AK5: variants seen among roughly 807,000 people sequenced by gnomAD.
AK5 encodes adenylate kinase isoenzyme 5.
Under a neutral mutation model 69.5 loss-of-function variants are expected in AK5, and 27 were observed. The observed-to-expected ratio is 0.39, with a 90% CI of 0.29 to 0.54. AK5 has a LOEUF of 0.54. Among genes scored for constraint, AK5 ranks in the 20% least tolerant of loss-of-function variants. The probability of loss-of-function intolerance (pLI) is 0.71; values close to 1 mark genes in which losing one functional copy is unlikely to be tolerated. For synonymous variants in AK5, 260 were observed against 244.4 expected, an observed-to-expected ratio of 1.06 and a Z score of -0.60; for missense variants, 531 against 700.4, an observed-to-expected ratio of 0.76 and a Z score of 2.73.
chr1:77,341,670 A>C (rs2100385522), intron 6 of AK5, among the ~76,000 whole-genome samples: 1 of 152,298 alleles, frequency 6.6e-6, no homozygotes, highest in Admixed American at 6.5e-5. Flanking sequence ...TTGAAGAATA[A>C]TTTCTTTGCA....
chr1:77,400,808 T>G (rs1268023341), intron 6 of AK5, among the ~76,000 whole-genome samples: 1 of 152,028 alleles, frequency 6.6e-6, no homozygotes. Context: ...ACAGAAGGCT[T>G]AGAAAATAAG....
intron 8 of AK5, among the ~76,000 whole-genome samples, chr1:77,460,355 A>G (rs1351310434): frequency 6.6e-6 from 1 of 152,250 alleles, no homozygotes; most frequent in Admixed American, 6.5e-5. Context: ...GAAGGAATGG[A>G]TATTTGTATA....
intron 13 of AK5, among the ~76,000 whole-genome samples, 191 bp downstream of exon 13, chr1:77,536,229 G>A (rs1004092931): frequency 3.9e-5 from 6 of 152,198 alleles, no homozygotes; most frequent in Non-Finnish European, 7.3e-5. Flanking sequence ...GGGAAGTCAA[G>A]GCGGGTGTAT....
intron 6 of AK5, among the ~76,000 whole-genome samples, chr1:77,372,879 A>T (rs1050788554): frequency 4.6e-5 from 7 of 152,102 alleles, no homozygotes; most frequent in African/African-American, 1.7e-4. Context: ...ACCAGTGACA[A>T]ATCCCACATA....
At chr1:77,408,101 A>G (rs1649780976) in intron 6 of AK5, among the ~76,000 whole-genome samples, 1 of 152,078 alleles carries the variant, frequency 6.6e-6, no homozygotes, top group Non-Finnish European at 1.5e-5. Context: ...ATATGAGTGC[A>G]TTTGTCTTTT....
chr1:77,335,933 CTG>C (rs1190357809), intron 5 of AK5, among the ~76,000 whole-genome samples: 3 of 152,168 alleles, frequency 2.0e-5, no homozygotes, highest in Non-Finnish European at 4.4e-5. Context: ...GGTCTTTTCT[CTG>C]TGCACTCACA....
chr1:77,405,684 A>AG (rs1219330090), intron 6 of AK5, among the ~76,000 whole-genome samples: 3 of 152,134 alleles, frequency 2.0e-5, no homozygotes, highest in African/African-American at 7.2e-5. Flanking sequence ...GTAACCAAGA[A>AG]GTGGAGGGAT....
At chr1:77,508,749 C>G (rs1008476861) in intron 10 of AK5, among the ~76,000 whole-genome samples, 1 of 151,990 alleles carries the variant, frequency 6.6e-6, no homozygotes, top group Non-Finnish European at 1.5e-5. Context: ...TGCCTGTAAT[C>G]CCAGCTACTC....
chr1:77,541,793 C>T (rs930006616), intron 13 of AK5, among the ~76,000 whole-genome samples: 1 of 152,162 alleles, frequency 6.6e-6, no homozygotes, highest in African/African-American at 2.4e-5. Flanking sequence ...CACCTGACAG[C>T]TTTCGCATTT....
intron 6 of AK5, among the ~76,000 whole-genome samples, chr1:77,356,246 G>T (rs551513599): frequency 1.3e-5 from 2 of 152,312 alleles, no homozygotes; most frequent in Admixed American, 1.3e-4. Flanking sequence ...AAAGTATTTT[G>T]ACTGAATTCT....
At chr1:77,346,448 G>A (rs1661920448) in intron 6 of AK5, among the ~76,000 whole-genome samples, 2 of 152,144 alleles carry the variant, frequency 1.3e-5, no homozygotes, top group Non-Finnish European at 2.9e-5. Flanking sequence ...ACTCCACTTA[G>A]CATCACTGCA....
chr1:77,548,338 C>A (rs1406813190), intron 13 of AK5, among the ~76,000 whole-genome samples: 1 of 152,134 alleles, frequency 6.6e-6, no homozygotes, highest in African/African-American at 2.4e-5. Context: ...CCCCCATGAG[C>A]AGTCTTTTAC....
chr1:77,283,172 G>A (rs1023118889), intron 1 of AK5: 2 of 985,648 alleles, frequency 2.0e-6, no homozygotes, highest in Non-Finnish European at 2.4e-6. Context: ...GAGGCTCGAG[G>A]AATGAACCTT....
At chr1:77,485,427 A>T (rs1655528520) in intron 9 of AK5, among the ~76,000 whole-genome samples, 1 of 152,240 alleles carries the variant, frequency 6.6e-6, no homozygotes, top group African/African-American at 2.4e-5. Flanking sequence ...CCCCAATTTC[A>T]CTAAAAAATG....
chr1:77,546,939 C>T (rs532186048), intron 13 of AK5, among the ~76,000 whole-genome samples: 2 of 152,276 alleles, frequency 1.3e-5, no homozygotes, highest in East Asian at 1.9e-4. Context: ...GCCACTGACA[C>T]GTGAAAGCGC....
chr1:77,532,004 G>GGCCGGCCT (rs949815322), intron 12 of AK5: 37 of 150,806 alleles, frequency 2.5e-4, no homozygotes, highest in Admixed American at 2.3e-3. Flanking sequence ...CCGGCCGGCC[G>GGCCGGCCT]GCCGCTCCGA....
intron 8 of AK5, among the ~76,000 whole-genome samples, chr1:77,458,455 T>C (rs1653633550): frequency 6.6e-6 from 1 of 152,200 alleles, no homozygotes; most frequent in Admixed American, 6.5e-5. Flanking sequence ...ATTCGTCCAT[T>C]TTCATGCTGC....
chr1:77,547,486 A>AT (rs1557667652), intron 13 of AK5, among the ~76,000 whole-genome samples: 1 of 151,968 alleles, frequency 6.6e-6, no homozygotes, highest in Non-Finnish European at 1.5e-5. Context: ...GTTGGCCATG[A>AT]TGGTCTCAAT....
chr1:77,520,588 T>A (rs1281992538), intron 11 of AK5, among the ~76,000 whole-genome samples: 1 of 152,200 alleles, frequency 6.6e-6, no homozygotes, highest in African/African-American at 2.4e-5. Flanking sequence ...ATGCTCTCCC[T>A]TCATACAGTC....
Sources: allele counts gnomAD v4.1 joint callset (sites outside exome capture counted in the v4.1 genomes callset), GRCh38; gene constraint gnomAD v4.1.1; transcripts MANE v1.5; gene names NCBI Gene and HGNC (gene_info 2026-07-23, HGNC 2026-07-21).